SERPINE2: variants seen among roughly 807,000 people sequenced by gnomAD.
SERPINE2 encodes the protein serpin family E member 2.
In SERPINE2, 14 loss-of-function variants were observed where a neutral mutation model predicts 36.3. The ratio of observed to expected loss-of-function variants is 0.39; its 90% CI spans 0.25 to 0.60. The LOEUF is 0.60. Among genes scored for constraint, SERPINE2 ranks in the 20% least tolerant of loss-of-function variants. The probability of loss-of-function intolerance (pLI) is 0.57; values close to 1 mark genes in which losing one functional copy is unlikely to be tolerated. For missense variants in SERPINE2, 418 were observed against 499.6 expected, an observed-to-expected ratio of 0.84 and a Z score of 1.56; for synonymous variants, 192 against 191.8, an observed-to-expected ratio of 1.00 and a Z score of -0.01.
intron 1 of SERPINE2, among the ~76,000 whole-genome samples, chr2:224,011,407 G>T (rs1312397955): frequency 6.6e-6 from 1 of 152,128 alleles, no homozygotes; most frequent in African/African-American, 2.4e-5. Context: ...ATACAACCAT[G>T]AATTCTTAAA....
At chr2:224,029,673 A>C (rs933776722) in intron 1 of SERPINE2, among the ~76,000 whole-genome samples, 2 of 152,130 alleles carry the variant, frequency 1.3e-5, no homozygotes, top group African/African-American at 2.4e-5. Context: ...AACCAAATAG[A>C]TTATTTTTCC....
intron 1 of SERPINE2, among the ~76,000 whole-genome samples, chr2:224,003,890 A>G (rs1212259867): frequency 1.3e-5 from 2 of 151,996 alleles, no homozygotes; most frequent in African/African-American, 4.8e-5. Flanking sequence ...CTTTTAAGAG[A>G]CAGGTGACCT....
At chr2:223,976,563 T>C (rs1690016860) in intron 8 of SERPINE2, among the ~76,000 whole-genome samples, 2 of 152,240 alleles carry the variant, frequency 1.3e-5, no homozygotes, top group Admixed American at 6.5e-5. Context: ...TGCAATGAGA[T>C]AAGAGAATAA....
intron 1 of SERPINE2, among the ~76,000 whole-genome samples, chr2:224,005,358 T>C (rs1174725548): frequency 6.6e-6 from 1 of 151,972 alleles, no homozygotes; most frequent in Non-Finnish European, 1.5e-5. Flanking sequence ...ACTGGGACAG[T>C]GTTAGAGCTG....
chr2:224,028,783 C>A (rs1046512491), intron 1 of SERPINE2, among the ~76,000 whole-genome samples: 1 of 152,162 alleles, frequency 6.6e-6, no homozygotes, highest in Admixed American at 6.5e-5. Flanking sequence ...ACTTTTTGGG[C>A]TCCTCTGTGC....
intron 1 of SERPINE2, among the ~76,000 whole-genome samples, chr2:224,037,353 G>A (rs1369407540): frequency 6.6e-6 from 1 of 152,232 alleles, no homozygotes; most frequent in Admixed American, 6.5e-5. Flanking sequence ...TACAGTGGGA[G>A]TCCGGTTTGC....
intron 1 of SERPINE2, among the ~76,000 whole-genome samples, chr2:224,016,431 G>A (rs1022100912): frequency 5.3e-5 from 8 of 151,708 alleles, no homozygotes; most frequent in African/African-American, 1.2e-4. Context: ...GCTTGAACCC[G>A]GGAGATGGAG....
At chr2:224,035,246 C>T (rs1305158138) in intron 1 of SERPINE2, among the ~76,000 whole-genome samples, 1 of 152,148 alleles carries the variant, frequency 6.6e-6, no homozygotes, top group Non-Finnish European at 1.5e-5. Context: ...GCCAGAACGC[C>T]ACTATAAGCA....
intron 3 of SERPINE2, among the ~76,000 whole-genome samples, chr2:223,994,579 A>C (rs1690805067): frequency 6.6e-6 from 1 of 152,128 alleles, no homozygotes; most frequent in Admixed American, 6.5e-5. Context: ...AAAAACTACG[A>C]ATGAGAGAGA....
In SERPINE2 at chr2:224,005,084, T is replaced by TATA. The variant is rs1553547052; in HGVS notation, c.-22-3165_-22-3163dup. On this transcript the variant is annotated intron_variant, in intron 1 of 8. Transcript: ENST00000409304. ...TATATATTATATATATATATATATA[T>TATA]ATATATATATATAAAACATTGTAAA... Among the ~76,000 whole-genome samples, 11 of 98,490 alleles carry TATA rather than the reference T, an allele frequency of 1.1e-4. 1 individual carries two copies. The highest frequency in any genetic ancestry group is 2.9e-4 in the African/African-American group (9 of 30,706). 64.6% of individuals were successfully genotyped at this position (98,490 alleles called of 152,430 possible).
At chr2:224,007,159 T>C (rs947238896) in intron 1 of SERPINE2, among the ~76,000 whole-genome samples, 2 of 152,252 alleles carry the variant, frequency 1.3e-5, no homozygotes, top group African/African-American at 4.8e-5. Context: ...TAGTCTGCTC[T>C]ATGTAGCATA....
chr2:223,998,292 T>C lies in SERPINE2; in HGVS notation c.310A>G (p.Asn104Asp). The C allele has an allele frequency of 6.2e-7, 1 of 1,614,220 alleles. No homozygotes were observed. Among genetic ancestry groups the C allele is most frequent in the Non-Finnish European group, 8.5e-7 (1 of 1,180,008 alleles). The stretch of plus-strand genomic sequence containing the variant: ...TTAGCCACTGTCACAATGTCTTTAT[T>C]CTTCTTGGAGACGATGGCCTTGTTG... ...KINKAIVSKKNKDIVTVANAV... is the reference protein window; with the variant it reads ...KINKAIVSKKDKDIVTVANAV... The change falls in exon 3 of 9, where the codon AAT (asparagine) becomes GAT (aspartate). Residue 104 changes from asparagine to aspartate, a missense_variant. Physicochemically the swap from Asn to Asp is conservative, Grantham distance 23 (BLOSUM62 1). Coordinates refer to ENST00000409304, the MANE Select transcript of SERPINE2 (RefSeq NM_001136528.2).
At chr2:224,002,882 T>A (rs1316849588) in intron 1 of SERPINE2, among the ~76,000 whole-genome samples, 2 of 152,112 alleles carry the variant, frequency 1.3e-5, no homozygotes, top group African/African-American at 4.8e-5. Flanking sequence ...TTTCTAAGTG[T>A]TAGGCATATG....
intron 6 of SERPINE2, chr2:223,982,425 T>C (rs781610407): frequency 7.4e-5 from 26 of 351,520 alleles, no homozygotes; most frequent in Non-Finnish European, 1.1e-4. Flanking sequence ...TTCATCGCTA[T>C]ATAAACTGAT....
At chr2:224,019,687 TTAA>T (rs1334935571) in intron 1 of SERPINE2, among the ~76,000 whole-genome samples, 6 of 151,646 alleles carry the variant, frequency 4.0e-5, no homozygotes, top group African/African-American at 1.5e-4. Flanking sequence ...CCATCATGTA[TTAA>T]GGTCAATTAC....
Position 224,001,652 on chromosome 2 carries a change from G to T in SERPINE2, c.249C>A (p.Tyr83Ter). 1 of 1,613,612 alleles carries T rather than the reference G, an allele frequency of 6.2e-7. No homozygotes were observed. The highest frequency in any genetic ancestry group is 8.5e-7 in the Non-Finnish European group (1 of 1,179,924). The change falls in exon 2 of 9, where the codon TAC becomes TAA. Residue 83 changes from tyrosine (Y) to a stop codon, truncating the protein, a stop_gained. Coordinates refer to ENST00000409304, the MANE Select transcript of SERPINE2 (RefSeq NM_001136528.2). LOFTEE classifies it high-confidence loss of function. ...ATTGTGCACACGCACCATTTACGCC[G>T]TATCTCATCACCATGGCGAGCTGCT... is the stretch of plus-strand genomic sequence containing the variant. ...TKKQLAMVMR[Y>*]GVNGVGKILK... is the part of the protein sequence containing the mutation.
chr2:223,976,117 A>G (rs1367324992), intron 8 of SERPINE2, among the ~76,000 whole-genome samples: 6 of 151,942 alleles, frequency 3.9e-5, no homozygotes, highest in Admixed American at 6.6e-5. Context: ...AGTGCTTAAA[A>G]TGTGGCTAGT....
In SERPINE2 at chr2:223,984,894, C is replaced by T. The variant is rs746930910; in HGVS notation, c.742G>A (p.Gly248Arg). ...GCAATCAGCATGCTGATGCTTTCCC[C>T]GTGGTAGGGCAGTTCAATGAAGTTG... is the stretch of plus-strand genomic sequence containing the variant. ...WYNFIELPYH[G>R]ESISMLIALP... Residue 248 changes from glycine (G) to arginine (R), a missense_variant, in exon 5 of 9, where the codon GGG becomes AGG. Physicochemically the swap from Gly to Arg is moderately radical, Grantham distance 125 (BLOSUM62 -2). Transcript: ENST00000409304. 4.3e-6 allele frequency: 7 copies of T among 1,614,010 alleles called. No homozygotes were observed. Among genetic ancestry groups the T allele is most frequent in the African/African-American group, 1.3e-5 (1 of 74,888 alleles).
intron 1 of SERPINE2, among the ~76,000 whole-genome samples, chr2:224,022,158 CAAAAAAA>C (rs71058977): frequency 8.3e-4 from 60 of 72,600 alleles, no homozygotes; most frequent in South Asian, 2.3e-3. Flanking sequence ...GACTCCTTCT[CAAAAAAA>C]AAAAAAAAAA....
Sources: gnomAD v4.1 joint callset for allele counts (sites outside exome capture counted in the v4.1 genomes callset) on GRCh38, gnomAD v4.1.1 for gene constraint, MANE v1.5 for transcripts, NCBI Gene and HGNC (gene_info 2026-07-23, HGNC 2026-07-21) for gene names.